The following FSTL5 variants were observed in gnomAD, a reference collection of about 807,000 sequenced individuals.
The protein encoded by FSTL5 is follistatin-related protein 5.
Under a neutral mutation model 89.1 loss-of-function variants are expected in FSTL5, and 62 were observed. That is an observed-to-expected ratio of 0.70 (90% CI 0.57 to 0.86). FSTL5 has a LOEUF of 0.86. FSTL5 is among the 40% of genes least tolerant of loss of function. The pLI is 0.00. For missense variants in FSTL5, 1,057 were observed against 1,001.6 expected (o/e 1.06, Z -0.75); for synonymous variants, 383 against 346.2 (o/e 1.11, Z -1.18).
chr4:162,091,793 T>G (rs1445906047), intron 2 of FSTL5, among the ~76,000 whole-genome samples: 3 of 152,094 alleles, frequency 2.0e-5, no homozygotes, highest in Non-Finnish European at 2.9e-5. Flanking sequence ...TAAAAAAAAT[T>G]ATAATCAACA....
At chr4:162,141,106 C>CTCTTTTTT (rs1393343548) in intron 1 of FSTL5, among the ~76,000 whole-genome samples, 2 of 44,008 alleles carry the variant, frequency 4.5e-5, no homozygotes, top group African/African-American at 8.9e-5. Flanking sequence ...TCCCTTCTCT[C>CTCTTTTTT]TTTTTTTTTT....
chr4:161,744,085 G>GTTT (rs200505368), intron 6 of FSTL5, among the ~76,000 whole-genome samples: 3 of 151,128 alleles, frequency 2.0e-5, no homozygotes, highest in African/African-American at 7.3e-5. Context: ...AACAGAAGGT[G>GTTT]TTTTTTTTTA....
chr4:162,033,977 T>C (rs1262560384), intron 2 of FSTL5, among the ~76,000 whole-genome samples: 2 of 152,092 alleles, frequency 1.3e-5, no homozygotes, highest in African/African-American at 4.8e-5. Context: ...ATCTTTTTTA[T>C]TTTTTGTAGA....
intron 7 of FSTL5, among the ~76,000 whole-genome samples, chr4:161,628,901 G>T (rs1735403311): frequency 6.6e-6 from 1 of 152,036 alleles, no homozygotes; most frequent in South Asian, 2.1e-4. Flanking sequence ...TTTATTAATT[G>T]GTTAGCATAT....
At chr4:161,526,451 A>G (rs1043116561) in intron 10 of FSTL5, among the ~76,000 whole-genome samples, 5 of 152,208 alleles carry the variant, frequency 3.3e-5, no homozygotes, top group Non-Finnish European at 7.3e-5. Context: ...AAGATATACA[A>G]ATGGGCATAC....
At chr4:161,515,171 C>T (rs557715063) in intron 10 of FSTL5, among the ~76,000 whole-genome samples, 3 of 151,848 alleles carry the variant, frequency 2.0e-5, no homozygotes, top group African/African-American at 7.2e-5. Context: ...AATTTAATTG[C>T]CCTGGTATAA....
intron 2 of FSTL5, among the ~76,000 whole-genome samples, chr4:162,050,456 T>C (rs1035941146): frequency 6.6e-6 from 1 of 150,612 alleles, no homozygotes; most frequent in Non-Finnish European, 1.5e-5. Context: ...ATATTATGGA[T>C]TGTCAATAAT....
intron 8 of FSTL5, among the ~76,000 whole-genome samples, chr4:161,568,938 G>A (rs1373047469): frequency 6.6e-6 from 1 of 152,136 alleles, no homozygotes; most frequent in African/African-American, 2.4e-5. Context: ...GAATCTTGCA[G>A]GGTTAACTTT....
chr4:162,147,070 T>C (rs1275636575), intron 1 of FSTL5, among the ~76,000 whole-genome samples: 1 of 152,040 alleles, frequency 6.6e-6, no homozygotes, highest in Non-Finnish European at 1.5e-5. Flanking sequence ...GTGTGAGCCA[T>C]CGCACCTGGT....
chr4:161,977,627 AAAAAAAAAAAAAAATAATAAT>A (rs1735693382), intron 3 of FSTL5, among the ~76,000 whole-genome samples: 2 of 92,332 alleles, frequency 2.2e-5, no homozygotes, highest in African/African-American at 7.7e-5. Context: ...AAAAAAAAAA[AAAAAAAAAAAAAAATAATAAT>A]AATAATAATA....
chr4:161,683,030 C>T (rs1268179136), intron 6 of FSTL5, among the ~76,000 whole-genome samples: 2 of 152,240 alleles, frequency 1.3e-5, no homozygotes, highest in African/African-American at 4.8e-5. Flanking sequence ...CAGGCGTGAG[C>T]CACCGTGCCC....
chr4:161,454,862 TAAGCAGATATGACA>T, intron 15 of FSTL5, 128 bp downstream of exon 15: 1 of 680,090 alleles, frequency 1.5e-6, no homozygotes, highest in South Asian at 1.9e-5. Flanking sequence ...AAAGGTTCAG[TAAGCAGATATGACA>T]AAGCTAAAGC....
At chr4:161,412,041 C>A (rs1254382483) in intron 15 of FSTL5, among the ~76,000 whole-genome samples, 2 of 152,068 alleles carry the variant, frequency 1.3e-5, no homozygotes, top group East Asian at 3.9e-4. Context: ...TTTCCATACA[C>A]TAACAACATC....
At chr4:161,848,858 C>T (rs1383318240) in intron 4 of FSTL5, among the ~76,000 whole-genome samples, 1 of 152,068 alleles carries the variant, frequency 6.6e-6, no homozygotes, top group African/African-American at 2.4e-5. Flanking sequence ...TACTTGCATT[C>T]AATTGACCAA....
intron 15 of FSTL5, among the ~76,000 whole-genome samples, chr4:161,447,360 A>T (rs1314221829): frequency 6.6e-6 from 1 of 152,116 alleles, no homozygotes; most frequent in East Asian, 1.9e-4. Context: ...TGACCCATAC[A>T]TCAAGAACAT....
chr4:161,489,667 A>G (rs561623674), intron 12 of FSTL5, among the ~76,000 whole-genome samples: 2 of 152,260 alleles, frequency 1.3e-5, no homozygotes, highest in Non-Finnish European at 2.9e-5. Context: ...TAGTGAGGGA[A>G]AAAAATTAAA....
chr4:162,148,437 T>C (rs1419074247), intron 1 of FSTL5, among the ~76,000 whole-genome samples: 2 of 152,198 alleles, frequency 1.3e-5, no homozygotes, highest in Non-Finnish European at 2.9e-5. Flanking sequence ...TTATATCTAA[T>C]ATATTTATGA....
intron 4 of FSTL5, among the ~76,000 whole-genome samples, chr4:161,784,540 A>T (rs1741812332): frequency 6.6e-6 from 1 of 152,154 alleles, no homozygotes; most frequent in Admixed American, 6.5e-5. Flanking sequence ...AATTTGTCAC[A>T]TCATTCAAAT....
At chr4:162,111,444 A>G (rs983265016) in intron 1 of FSTL5, 32 bp from the exon 2 acceptor site, 54 of 1,497,772 alleles carry the variant, frequency 3.6e-5, no homozygotes, top group Non-Finnish European at 4.8e-5. Flanking sequence ...GGAATCAGAG[A>G]AAATGAATTA....
Sources: allele counts gnomAD v4.1 joint callset (sites outside exome capture counted in the v4.1 genomes callset), GRCh38; gene constraint gnomAD v4.1.1; transcripts MANE v1.5; gene names NCBI Gene and HGNC (gene_info 2026-07-23, HGNC 2026-07-21).